CCDC178: variants seen among roughly 807,000 people sequenced by gnomAD.
The protein encoded by CCDC178 is coiled-coil domain-containing protein 178.
CCDC178 carries 126 observed loss-of-function variants against 117.4 expected under a neutral mutation model. The ratio of observed to expected loss-of-function variants is 1.07; its 90% confidence interval spans 0.93 to 1.24. CCDC178 has a LOEUF of 1.24. Ranked by LOEUF, CCDC178 falls within the 50% of genes most tolerant of loss-of-function variation. The pLI is 0.00. For missense variants in CCDC178, 1,030 were observed against 986.9 expected (o/e 1.04, Z -0.59); for synonymous variants, 283 against 313.4 (o/e 0.90, Z 1.02).
chr18:32,990,894 C>T (rs573977867), intron 21 of CCDC178, among the ~76,000 whole-genome samples: 1 of 151,020 alleles, frequency 6.6e-6, no homozygotes, highest in Admixed American at 6.6e-5. Flanking sequence ...ATTTTTTTTT[C>T]ACAAGAGAAA....
chr18:33,164,778 T>TG (rs1379450194), intron 20 of CCDC178, among the ~76,000 whole-genome samples: 1 of 152,120 alleles, frequency 6.6e-6, no homozygotes, highest in African/African-American at 2.4e-5. Context: ...TAGCCGGAAA[T>TG]GGGAGGGTAT....
intron 11 of CCDC178, among the ~76,000 whole-genome samples, chr18:33,311,302 ACT>A (rs752160362): frequency 1.3e-5 from 2 of 152,250 alleles, no homozygotes; most frequent in Non-Finnish European, 2.9e-5. Flanking sequence ...TTAGACATAA[ACT>A]CTTAAAAGTA....
chr18:33,122,791 G>A (rs200165353), intron 20 of CCDC178, among the ~76,000 whole-genome samples: 5 of 152,084 alleles, frequency 3.3e-5, no homozygotes, highest in African/African-American at 1.2e-4. Flanking sequence ...TTTTTCACAA[G>A]CCTAATTAGC....
At position 33,284,222 on chromosome 18, in the gene CCDC178, C is replaced by T. The variant is rs577813134; in HGVS notation, c.1176+8937G>A. Reference sequence around the variant, plus strand: ...TAAATGATGAGAACACATGGATACACAGAGGGGAACAACACACATTGGGAC... The same window carrying T: ...TAAATGATGAGAACACATGGATACATAGAGGGGAACAACACACATTGGGAC... On this transcript the variant is annotated intron_variant, in intron 12 of 22. Coordinates refer to ENST00000383096, the MANE Select transcript of CCDC178 (RefSeq NM_001105528.4). 5.9e-5 allele frequency among the ~76,000 whole-genome samples: 9 copies of T among 152,138 alleles called. No individual in the cohort carries two copies. In the East Asian group the frequency reaches 9.7e-4, roughly 16 times the overall value.
At position 33,357,173 on chromosome 18, in the gene CCDC178, C is replaced by T. The variant is rs182837977; in HGVS notation, c.349-827G>A. On this transcript the variant is annotated intron_variant, in intron 6 of 22. Coordinates refer to ENST00000383096, the MANE Select transcript of CCDC178 (RefSeq NM_001105528.4). ...TTGCATGTATTGATTTATGTCTTTC[C>T]CTGTAACTTCTGCCCCCCTAAAATG... Among the ~76,000 whole-genome samples the T allele has an allele frequency of 3.3e-5, 5 of 152,172 alleles. No homozygotes were observed. The East Asian group carries it at 7.7e-4, about 23-fold the overall frequency.
At position 33,314,200 on chromosome 18, in the gene CCDC178, CAAAAAAAAAAAAAAA is replaced by C. The variant is rs869127341; in HGVS notation, c.1022+9276_1022+9290del. Among the ~76,000 whole-genome samples, 46 of 62,442 alleles carry C rather than the reference CAAAAAAAAAAAAAAA, an allele frequency of 7.4e-4. 1 individual carries two copies. Among genetic ancestry groups the C allele is most frequent in the Middle Eastern group, 0.016 (1 of 64 alleles). The allele number at this position is 62,442 out of a possible 152,430, so 41.0% of individuals were successfully genotyped here. On this transcript the variant is annotated intron_variant, in intron 11 of 22. Coordinates refer to ENST00000383096, the MANE Select transcript of CCDC178 (RefSeq NM_001105528.4). ...TGGGTGACAGAGCGAGACTCCGTCT[CAAAAAAAAAAAAAAA>C]AAAAAAAAAAAAAAAAAAGAAATTG... is the stretch of plus-strand genomic sequence containing the variant.
At chr18:33,422,454 T>G (rs1158265109) in intron 2 of CCDC178, among the ~76,000 whole-genome samples, 1 of 152,172 alleles carries the variant, frequency 6.6e-6, no homozygotes, top group Non-Finnish European at 1.5e-5. Context: ...CAATCTGTGT[T>G]ATTCACTTCT....
At chr18:32,959,757 C>T (rs2054669343) in intron 22 of CCDC178, among the ~76,000 whole-genome samples, 1 of 151,812 alleles carries the variant, frequency 6.6e-6, no homozygotes, top group South Asian at 2.1e-4. Context: ...GGATATGCTC[C>T]ATTAGTCACT....
chr18:33,055,967 T>G (rs547602685), intron 21 of CCDC178, among the ~76,000 whole-genome samples: 91 of 152,114 alleles, frequency 6.0e-4, no homozygotes, highest in Non-Finnish European at 1.2e-3. Flanking sequence ...CATGCATGGC[T>G]CATTTTTGTA....
Position 32,937,750 on chromosome 18 carries a change from T to C in CCDC178, c.*261A>G, listed in dbSNP as rs2144573915. The C allele has an allele frequency of 2.4e-6, 1 of 411,370 alleles. No individual in the cohort carries two copies. The highest frequency in any genetic ancestry group is 4.0e-5 in the Admixed American group (1 of 24,950). The allele number at this position is 411,370 out of a possible 1,614,324, so 25.5% of individuals were successfully genotyped here. Reference sequence around the variant, plus strand: ...AATTAATGGTGACATAGATTAATTATCAGATGAGGCAAAGCCAATTGCAAT... The same window carrying C: ...AATTAATGGTGACATAGATTAATTACCAGATGAGGCAAAGCCAATTGCAAT... On this transcript the variant is annotated 3_prime_UTR_variant, in exon 23 of 23. Coordinates refer to ENST00000383096, the MANE Select transcript of CCDC178 (RefSeq NM_001105528.4).
chr18:33,042,800 G>C (rs2056573204), intron 21 of CCDC178, among the ~76,000 whole-genome samples: 1 of 151,884 alleles, frequency 6.6e-6, no homozygotes, highest in Non-Finnish European at 1.5e-5. Context: ...CAAGGTGTAG[G>C]CTGTATACTC....
intron 3 of CCDC178, among the ~76,000 whole-genome samples, chr18:33,400,072 C>T (rs1487834933): frequency 1.3e-5 from 2 of 150,814 alleles, no homozygotes; most frequent in African/African-American, 4.9e-5. Flanking sequence ...TATATGTTGT[C>T]AGTGGAAGTA....
At chr18:33,123,296 C>T (rs2057961487) in intron 20 of CCDC178, among the ~76,000 whole-genome samples, 1 of 152,076 alleles carries the variant, frequency 6.6e-6, no homozygotes. Flanking sequence ...TAATACTTTA[C>T]AGAAAGGTAA....
chr18:33,135,016 G>T (rs1387166679), intron 20 of CCDC178, among the ~76,000 whole-genome samples: 1 of 151,852 alleles, frequency 6.6e-6, no homozygotes, highest in Non-Finnish European at 1.5e-5. Context: ...ATTAAAAAAG[G>T]GAGCAGTATT....
At chr18:33,212,501 A>G (rs2059120237) in intron 19 of CCDC178, among the ~76,000 whole-genome samples, 1 of 152,050 alleles carries the variant, frequency 6.6e-6, no homozygotes, top group African/African-American at 2.4e-5. Context: ...TGCTGCCAAC[A>G]GCCATAGTGG....
chr18:33,133,499 C>A (rs1598916658), intron 20 of CCDC178, among the ~76,000 whole-genome samples: 2 of 151,900 alleles, frequency 1.3e-5, no homozygotes, highest in Non-Finnish European at 2.9e-5. Context: ...TATGCGTTAA[C>A]CTTTTTCTAA....
chr18:33,366,080 T>C (rs1263316064), intron 6 of CCDC178, among the ~76,000 whole-genome samples: 1 of 152,078 alleles, frequency 6.6e-6, no homozygotes, highest in African/African-American at 2.4e-5. Flanking sequence ...TGGAAATCAC[T>C]GTGGACAGAA....
intron 11 of CCDC178, 23 bp downstream of exon 11, chr18:33,323,468 T>C (rs1224489289): frequency 6.4e-6 from 9 of 1,408,526 alleles, no homozygotes; most frequent in Non-Finnish European, 8.4e-6. Context: ...ATGCTATAAT[T>C]AGTGTTTGCG....
chr18:33,070,122 C>T (rs573481042), intron 21 of CCDC178, among the ~76,000 whole-genome samples: 5 of 152,078 alleles, frequency 3.3e-5, no homozygotes, highest in African/African-American at 9.6e-5. Context: ...ATGGAAGTTC[C>T]TCGAAAAGCT....
Sources: allele counts gnomAD v4.1 joint callset (sites outside exome capture counted in the v4.1 genomes callset), GRCh38; gene constraint gnomAD v4.1.1; transcripts MANE v1.5; gene names NCBI Gene and HGNC (gene_info 2026-07-23, HGNC 2026-07-21).